The following TMEM9 variants were observed in gnomAD, a reference collection of about 807,000 sequenced individuals.
TMEM9 encodes transmembrane protein 9, also known as proton-transporting V-type ATPase complex assembly regulator TMEM9.
In TMEM9, 13 loss-of-function variants were observed where a neutral mutation model predicts 22.8. That is an observed-to-expected ratio of 0.57 (90% confidence interval 0.37 to 0.91). The LOEUF (loss-of-function observed/expected upper bound fraction) is 0.91, where lower values mean the gene tolerates loss of function less well. TMEM9 is among the 40% of genes least tolerant of loss of function. TMEM9 has a pLI of 0.01. For missense variants in TMEM9, 182 were observed against 238.1 expected, an observed-to-expected ratio of 0.76 and a Z score of 1.55; for synonymous variants, 88 against 93.0, an observed-to-expected ratio of 0.95 and a Z score of 0.31.
intron 2 of TMEM9, among the ~76,000 whole-genome samples, chr1:201,151,063 G>C (rs981205885): frequency 6.6e-6 from 1 of 151,980 alleles, no homozygotes; most frequent in Non-Finnish European, 1.5e-5. Context: ...GAACATAACT[G>C]ATCCACACCA....
chr1:201,138,253 G>T (rs1664177072), intron 4 of TMEM9, among the ~76,000 whole-genome samples: 1 of 152,208 alleles, frequency 6.6e-6, no homozygotes, highest in Non-Finnish European at 1.5e-5. Flanking sequence ...ACAGCATTAA[G>T]GGAACATGCT....
chr1:201,146,024 T>C (rs1001973276), intron 3 of TMEM9, among the ~76,000 whole-genome samples: 2 of 152,180 alleles, frequency 1.3e-5, no homozygotes, highest in African/African-American at 4.8e-5. Context: ...GCCAGGTGCC[T>C]GGCCCAGGAT....
At chr1:201,170,535 A>C (rs1339168806) in intron 1 of TMEM9, among the ~76,000 whole-genome samples, 1 of 152,150 alleles carries the variant, frequency 6.6e-6, no homozygotes, top group Non-Finnish European at 1.5e-5. Context: ...TGGGTGCTGA[A>C]ATGCTGACAA....
chr1:201,169,512 G>C (rs553358005), intron 1 of TMEM9, among the ~76,000 whole-genome samples: 37 of 152,170 alleles, frequency 2.4e-4, no homozygotes, highest in Non-Finnish European at 2.9e-4. Context: ...ACAGTGGCCA[G>C]TATGGTGTAT....
At chr1:201,170,939 G>T (rs1377418385) in intron 1 of TMEM9, among the ~76,000 whole-genome samples, 2 of 152,210 alleles carry the variant, frequency 1.3e-5, no homozygotes, top group Non-Finnish European at 2.9e-5. Context: ...GGGAGGTGGC[G>T]TCCCGCAGAA....
chr1:201,142,775 A>C (rs958122366), intron 4 of TMEM9, among the ~76,000 whole-genome samples: 3 of 152,196 alleles, frequency 2.0e-5, no homozygotes. Flanking sequence ...CCTTGGCTCC[A>C]CGCCTCTAAG....
chr1:201,143,836 T>C lies in TMEM9; in HGVS notation c.383A>G (p.Asn128Ser), dbSNP rs1390011591. The C allele has an allele frequency of 5.6e-6, 9 of 1,614,046 alleles. No individual in the cohort carries two copies. Among genetic ancestry groups the C allele is most frequent in the South Asian group, 2.2e-5 (2 of 91,080 alleles). Reference protein sequence around the residue: ...KPDAYTEQLHNEEENEDARSM... With the variant: ...KPDAYTEQLHSEEENEDARSM... ...CCCTCTTACCTCATTCTCCTCCTCA[T>C]TGTGCAGTTGCTCAGTATATGCATC... is the stretch of plus-strand genomic sequence containing the variant. The change falls in exon 4 of 5, where the codon AAT (asparagine) becomes AGT (serine). Residue 128 changes from asparagine to serine, a missense_variant. Coordinates refer to ENST00000367330, the MANE Select transcript of TMEM9 (RefSeq NM_001288565.2).
Position 201,163,922 on chromosome 1 carries a change from G to A in TMEM9, c.-37+7568C>T, listed in dbSNP as rs1666010322. On this transcript the variant is annotated intron_variant, in intron 1 of 5. Transcript: ENST00000367333. ...AAGACTTATGTTCACATAAAAACGT[G>A]TGCATGAATGCTTGTAGCAACTTTA... is the stretch of plus-strand genomic sequence containing the variant. Among the ~76,000 whole-genome samples the A allele has an allele frequency of 2.0e-5, 3 of 152,208 alleles. No homozygotes were observed. In the South Asian group the frequency reaches 6.2e-4, roughly 31 times the overall value.
intron 1 of TMEM9, among the ~76,000 whole-genome samples, chr1:201,170,756 A>G (rs1280052992): frequency 6.6e-6 from 1 of 152,200 alleles, no homozygotes; most frequent in Non-Finnish European, 1.5e-5. Flanking sequence ...GCGCCGGCCA[A>G]AGAGGGATTC....
upstream of TMEM9, among the ~76,000 whole-genome samples, chr1:201,157,863 A>AGAGTGGT (rs1454556412): frequency 6.6e-6 from 1 of 152,224 alleles, no homozygotes; most frequent in African/African-American, 2.4e-5. Flanking sequence ...GGGCTGGGCC[A>AGAGTGGT]GAGTGGTGGG....
chr1:201,154,142 AGCCAC>A lies in TMEM9; in HGVS notation c.-224_-220del, dbSNP rs1665659919. The A allele has an allele frequency of 1.8e-6, 1 of 569,788 alleles. No homozygotes were observed. Among genetic ancestry groups the A allele is most frequent in the South Asian group, 2.1e-5 (1 of 47,024 alleles). 35.3% of individuals were successfully genotyped at this position (569,788 alleles called of 1,614,324 possible). On this transcript the variant is annotated 5_prime_UTR_variant, in exon 1 of 5. The change abolishes the stop of an existing upstream ORF in the 5' untranslated region. Transcript: ENST00000367330. ...CCGCCCAACTCTCCGGCTCTCCGCC[AGCCAC>A]CTGGTGAGCCCGGCAGAGGGGTCCT...
chr1:201,160,084 G>A (rs1168247658), intron 1 of TMEM9, among the ~76,000 whole-genome samples: 1 of 152,176 alleles, frequency 6.6e-6, no homozygotes, highest in Non-Finnish European at 1.5e-5. Flanking sequence ...AAATATCTTG[G>A]GTTTTTGTTT....
At chr1:201,160,884 C>T (rs1448875056) in intron 1 of TMEM9, among the ~76,000 whole-genome samples, 6 of 149,444 alleles carry the variant, frequency 4.0e-5, no homozygotes, top group Non-Finnish European at 8.9e-5. Flanking sequence ...TGCAGTGAGC[C>T]GAGATCATGC....
rs559044625 is a variant in TMEM9 at position 201,145,839 on chromosome 1, G to A, written c.267+901C>T. 3.3e-5 allele frequency among the ~76,000 whole-genome samples: 5 copies of A among 152,312 alleles called. No homozygotes were observed. The South Asian group carries it at 8.3e-4, about 25-fold the overall frequency. On this transcript the variant is annotated intron_variant, in intron 3 of 4. Transcript: ENST00000367330. ...TAGCTGGGTGTGGTGATGTGCACCT[G>A]TGGTCCTAGCTAATCAGGAGGCTGA...
chr1:201,151,835 C>T lies in TMEM9; in HGVS notation c.84G>A (p.Arg28=), dbSNP rs751625026. ...TATAAGGTGGACAGATGCATTTGCA[C>T]CGGATATCTTCAGAACTCTGGAAAA... is the stretch of plus-strand genomic sequence containing the variant. The part of the protein sequence containing the change: ...AEANKSSEDI[R]CKCICPPYRN... The change falls in exon 2 of 5, where the codon CGG becomes CGA. Residue 28 remains arginine (R), a synonymous_variant. Coordinates refer to ENST00000367330, the MANE Select transcript of TMEM9 (RefSeq NM_001288565.2). 1 of 1,613,472 alleles carries T rather than the reference C, an allele frequency of 6.2e-7. No individual in the cohort carries two copies. The highest frequency in any genetic ancestry group is 1.3e-5 in the African/African-American group (1 of 74,910).
chr1:201,156,385 T>C (rs1665794854), upstream of TMEM9, among the ~76,000 whole-genome samples: 1 of 152,122 alleles, frequency 6.6e-6, no homozygotes, highest in Non-Finnish European at 1.5e-5. Flanking sequence ...CATCCTGTCT[T>C]CCTCCAATTC....
chr1:201,168,922 G>A (rs994251365), intron 1 of TMEM9, among the ~76,000 whole-genome samples: 1 of 151,092 alleles, frequency 6.6e-6, no homozygotes, highest in African/African-American at 2.4e-5. Context: ...CTCCCAAGTA[G>A]CTGGGACTCC....
chr1:201,159,695 A>C (rs1665894201), intron 1 of TMEM9, among the ~76,000 whole-genome samples: 1 of 152,036 alleles, frequency 6.6e-6, no homozygotes, highest in Non-Finnish European at 1.5e-5. Context: ...TATAGGCATA[A>C]GCCCGTACGC....
Position 201,165,150 on chromosome 1 carries a change from T to TTATATATATATATATATATATATATATA in TMEM9, c.-37+6312_-37+6339dup, listed in dbSNP as rs57281429. The stretch of plus-strand genomic sequence containing the variant: ...CATTTTATCACTTTTTAAGAGAAAA[T>TTATATATATATATATATATATATATATA]TATATATATATATATATATATATAT... On this transcript the variant is annotated intron_variant, in intron 1 of 5. Transcript: ENST00000367333. Among the ~76,000 whole-genome samples, 119 of 87,010 alleles carry TTATATATATATATATATATATATATATA rather than the reference T, an allele frequency of 1.4e-3. 5 individuals are homozygous for TTATATATATATATATATATATATATATA. Among genetic ancestry groups the TTATATATATATATATATATATATATATA allele is most frequent in the Non-Finnish European group, 2.1e-3 (81 of 39,084 alleles). 57.1% of individuals were successfully genotyped at this position (87,010 alleles called of 152,430 possible). A position where few individuals can be genotyped will look rare whatever the true frequency, so the allele number is the denominator to read the frequency against.
Sources: allele counts gnomAD v4.1 joint callset (sites outside exome capture counted in the v4.1 genomes callset), GRCh38; gene constraint gnomAD v4.1.1; transcripts MANE v1.5; gene names NCBI Gene and HGNC (gene_info 2026-07-23, HGNC 2026-07-21).